Variants in BRSK2 observed in about 807,000 individuals in gnomAD.
BRSK2 encodes BR serine/threonine kinase 2.
Under a neutral mutation model 83.3 loss-of-function variants are expected in BRSK2, and 19 were observed. The ratio of observed to expected loss-of-function variants is 0.23; its 90% confidence interval spans 0.16 to 0.33. The LOEUF is 0.33. Ranked by LOEUF, BRSK2 falls within the 10% of genes least tolerant of loss-of-function variation. The pLI is 1.00. For synonymous variants in BRSK2, 519 were observed against 435.4 expected, an observed-to-expected ratio of 1.19 and a Z score of -2.39; for missense variants, 798 against 1,042.3, an observed-to-expected ratio of 0.77 and a Z score of 3.23.
At chr11:1,453,835 A>G (rs976696395) in intron 15 of BRSK2, 1 of 152,174 alleles carries the variant, frequency 6.6e-6, no homozygotes, top group Admixed American at 6.5e-5. Context: ...AGAGCGTGCC[A>G]CCTCTGAACA....
At chr11:1,391,376 C>G (rs1845721406) in intron 1 of BRSK2, among the ~76,000 whole-genome samples, 1 of 152,180 alleles carries the variant, frequency 6.6e-6, no homozygotes, top group African/African-American at 2.4e-5. Flanking sequence ...AGGAGGAGAG[C>G]GCTGGTGCAG....
chr11:1,409,931 CGTCGGCCTCGCAGAGCGGTGACGGTCGCA>C, intron 1 of BRSK2: 2 of 143,506 alleles, frequency 1.4e-5, no homozygotes, highest in South Asian at 2.3e-4. Context: ...GGGTTTGGGA[CGTCGGCCTCGCAGAGCGGTGACGGTCGCA>C]GAGTCTGTGT....
At chr11:1,456,838 A>ACCCCTCAGGGAGCAGAG (rs1672304871) in intron 18 of BRSK2, 151 bp downstream of exon 18, 1 of 1,335,672 alleles carries the variant, frequency 7.5e-7, no homozygotes, top group Middle Eastern at 2.1e-4. Context: ...CTGTGGCTGC[A>ACCCCTCAGGGAGCAGAG]CCCCTCAGGG....
intron 1 of BRSK2, among the ~76,000 whole-genome samples, chr11:1,424,827 G>T (rs556482207): frequency 1.3e-5 from 2 of 152,180 alleles, no homozygotes; most frequent in African/African-American, 4.8e-5. Flanking sequence ...ACTGGCGGGG[G>T]GGCAGGTTGC....
intron 1 of BRSK2, among the ~76,000 whole-genome samples, chr11:1,406,158 C>T (rs567128744): frequency 3.9e-4 from 60 of 152,140 alleles, no homozygotes; most frequent in African/African-American, 1.2e-3. Context: ...CCTGCCCAGC[C>T]GCCAGAGGTC....
At chr11:1,460,402 T>A in intron 19 of BRSK2, 98 bp from the exon 20 acceptor site, 3 of 934,036 alleles carry the variant, frequency 3.2e-6, no homozygotes, top group Non-Finnish European at 4.3e-6. Flanking sequence ...TGTTTGTTTG[T>A]TCTCTTTCTC....
intron 1 of BRSK2, among the ~76,000 whole-genome samples, chr11:1,401,825 C>T (rs118180454): frequency 0.024 from 3,597 of 152,360 alleles, 57 homozygotes; most frequent in Non-Finnish European, 0.033. Context: ...CCTCCTCCCG[C>T]GAGGGCGCCT....
intron 1 of BRSK2, among the ~76,000 whole-genome samples, chr11:1,401,924 G>A (rs989727959): frequency 6.6e-6 from 1 of 152,214 alleles, no homozygotes; most frequent in African/African-American, 2.4e-5. Context: ...CAAACCTGTC[G>A]TCAGCTGTGG....
At chr11:1,419,080 G>C (rs754404685) in intron 1 of BRSK2, among the ~76,000 whole-genome samples, 16 of 152,082 alleles carry the variant, frequency 1.1e-4, no homozygotes, top group Non-Finnish European at 2.2e-4. Context: ...GCACCAGGGT[G>C]GGCCTTTGCT....
intron 1 of BRSK2, among the ~76,000 whole-genome samples, chr11:1,435,049 C>T (rs1439725519): frequency 2.6e-5 from 4 of 151,482 alleles, no homozygotes; most frequent in Middle Eastern, 3.2e-3. Flanking sequence ...AAGGCACATT[C>T]CCAGAGCACC....
chr11:1,460,910 C>CTCTCTG lies in BRSK2; in HGVS notation c.*194_*199dup, dbSNP rs950037987. On this transcript the variant is annotated 3_prime_UTR_variant, in exon 20 of 20. Transcript: ENST00000528841. ...GCGCCACCCGCGCCCGCTCTCTTTT[C>CTCTCTG]TCTCTGTCTCTGCCTCTGCCTGTCT... The CTCTCTG allele has an allele frequency of 3.1e-6, 5 of 1,608,084 alleles. No individual in the cohort carries two copies. Among genetic ancestry groups the CTCTCTG allele is most frequent in the Non-Finnish European group, 4.2e-6 (5 of 1,176,862 alleles).
intron 1 of BRSK2, among the ~76,000 whole-genome samples, chr11:1,422,555 C>T (rs1056325906): frequency 3.3e-5 from 5 of 152,100 alleles, no homozygotes; most frequent in South Asian, 2.1e-4. Context: ...GCCCCCACCC[C>T]GAGGATGCAT....
chr11:1,393,879 TCCTGGAGATGGGTCCTGGAGATGGGCC>T (rs1845882562), intron 1 of BRSK2, among the ~76,000 whole-genome samples: 1 of 146,052 alleles, frequency 6.8e-6, no homozygotes, highest in African/African-American at 2.6e-5. Flanking sequence ...TGGAGATGGG[TCCTGGAGATGGGTCCTGGAGATGGGCC>T]CCTGGAGATG....
In BRSK2 at chr11:1,405,463, T is replaced by A. The variant is rs143279149; in HGVS notation, c.91+15088T>A. Among the ~76,000 whole-genome samples the A allele has an allele frequency of 2.1e-3, 327 of 152,118 alleles. 3 individuals are homozygous for A. Among genetic ancestry groups the A allele is most frequent in the South Asian group, 0.019 (94 of 4,828 alleles). ...GGGAGCTGGTGGCAGCCCCACTGCA[T>A]GATAGTTGAGAAGTTGGGATCCTAG... On this transcript the variant is annotated intron_variant, in intron 1 of 19. Coordinates refer to ENST00000528841, the MANE Select transcript of BRSK2 (RefSeq NM_001256627.2).
At chr11:1,451,221 G>T (rs1845781251) in intron 14 of BRSK2, 150 bp from the exon 15 acceptor site, 14 of 898,664 alleles carry the variant, frequency 1.6e-5, no homozygotes, top group Non-Finnish European at 2.3e-5. Flanking sequence ...AAGGTGGCCG[G>T]GAGCTGGGGT....
chr11:1,452,341 T>C (rs993605446), intron 15 of BRSK2, among the ~76,000 whole-genome samples: 12 of 152,170 alleles, frequency 7.9e-5, no homozygotes, highest in African/African-American at 2.9e-4. Flanking sequence ...GTCGGAGGTG[T>C]GTAGGTATTG....
chr11:1,390,142 C>CT lies in BRSK2; in HGVS notation c.-143_-142insT. 4.7e-6 allele frequency: 1 copy of CT among 211,026 alleles called. No homozygotes were observed. The highest frequency in any genetic ancestry group is 8.0e-6 in the Non-Finnish European group (1 of 125,452). The allele number at this position is 211,026 out of a possible 1,614,324, so 13.1% of individuals were successfully genotyped here. A position where few individuals can be genotyped will look rare whatever the true frequency, so the allele number is the denominator to read the frequency against. Reference sequence around the variant, plus strand: ...CGGGGGGCGGCGGCGCGGGCGGACGCGGGCGGCGCGAAGCAGCGGGGCCCG... The same window carrying CT: ...CGGGGGGCGGCGGCGCGGGCGGACGCTGGGCGGCGCGAAGCAGCGGGGCCCG... On this transcript the variant is annotated 5_prime_UTR_variant, in exon 1 of 20. Transcript: ENST00000528841. This position sits in a 1 kb window ranked among gnomAD's most constrained non-coding sequence, Gnocchi z 6.8.
At chr11:1,437,481 T>G (rs1330057406) in intron 2 of BRSK2, among the ~76,000 whole-genome samples, 1 of 152,196 alleles carries the variant, frequency 6.6e-6, no homozygotes, top group East Asian at 1.9e-4. Flanking sequence ...GAGGGGGCCC[T>G]GCCCTTACCT....
intron 12 of BRSK2, among the ~76,000 whole-genome samples, chr11:1,449,147 C>G (rs930630664): frequency 5.9e-5 from 9 of 152,228 alleles, no homozygotes; most frequent in Admixed American, 3.9e-4. Flanking sequence ...GGAGTCTCAG[C>G]CGGGCACGCC....
Sources: allele counts gnomAD v4.1 joint callset (sites outside exome capture counted in the v4.1 genomes callset), GRCh38; gene constraint gnomAD v4.1.1; non-coding constraint Gnocchi (gnomAD v3.1); transcripts MANE v1.5; gene names NCBI Gene and HGNC (gene_info 2026-07-23, HGNC 2026-07-21).